The following BMAL1 variants were observed in gnomAD, a reference collection of about 807,000 sequenced individuals.
The protein encoded by BMAL1 is basic helix-loop-helix ARNT-like protein 1.
the BMAL1 span, among the ~76,000 whole-genome samples, chr11:13,299,036 G>A: frequency 6.6e-6 from 1 of 152,200 alleles, no homozygotes; most frequent in Non-Finnish European, 1.5e-5. Flanking sequence ...GCTGCTGGTG[G>A]CTGTGGGAGG....
chr11:13,326,881 G>A, the BMAL1 span, among the ~76,000 whole-genome samples: 1 of 151,794 alleles, frequency 6.6e-6, no homozygotes, highest in African/African-American at 2.4e-5. Context: ...GTGCAGTGGT[G>A]CGATCTCGGC....
At chr11:13,279,153 G>A in the BMAL1 span, among the ~76,000 whole-genome samples, 1 of 152,206 alleles carries the variant, frequency 6.6e-6, no homozygotes, top group African/African-American at 2.4e-5. Flanking sequence ...TTTGGCGCTT[G>A]CGGTCTCTTC....
the BMAL1 span, among the ~76,000 whole-genome samples, chr11:13,377,121 G>T: frequency 5.9e-5 from 9 of 152,266 alleles, no homozygotes; most frequent in African/African-American, 2.2e-4. Flanking sequence ...TACCCACTGG[G>T]CTCCCTTCTC....
chr11:13,376,801 G>A, the BMAL1 span: 1 of 1,376,808 alleles, frequency 7.3e-7, no homozygotes, highest in South Asian at 1.3e-5. Flanking sequence ...CTCCCCTAAA[G>A]TATTCAGGGT....
chr11:13,295,809 G>A, the BMAL1 span, among the ~76,000 whole-genome samples: 1 of 152,160 alleles, frequency 6.6e-6, no homozygotes, highest in African/African-American at 2.4e-5. Context: ...CTTTTAATGA[G>A]TTACCAGCAT....
chr11:13,374,288 C>T, the BMAL1 span: 1 of 1,259,834 alleles, frequency 7.9e-7, no homozygotes, highest in Non-Finnish European at 1.1e-6. Context: ...GAAATCTGTC[C>T]ACTGAGGATG....
the BMAL1 span, among the ~76,000 whole-genome samples, chr11:13,351,295 G>C: frequency 6.6e-6 from 1 of 152,208 alleles, no homozygotes; most frequent in Non-Finnish European, 1.5e-5. Context: ...AATGCGGGTT[G>C]TGAAAGAAAG....
the BMAL1 span, chr11:13,386,489 A>T: frequency 1.7e-6 from 2 of 1,200,006 alleles, no homozygotes; most frequent in Non-Finnish European, 2.3e-6. Flanking sequence ...ATCTCACCCT[A>T]CCATTAAATG....
the BMAL1 span, among the ~76,000 whole-genome samples, chr11:13,344,362 A>C: frequency 6.6e-6 from 1 of 152,200 alleles, no homozygotes; most frequent in African/African-American, 2.4e-5. Context: ...AATATCTGCC[A>C]CTTCTAAACC....
the BMAL1 span, chr11:13,277,965 C>A: frequency 1.3e-5 from 2 of 151,288 alleles, no homozygotes; most frequent in African/African-American, 4.8e-5. Context: ...CGATCCCGCG[C>A]ACCCCGTCGG....
the BMAL1 span, chr11:13,380,862 A>G: frequency 0.53 from 140,472 of 265,338 alleles, 38,713 homozygotes; most frequent in South Asian, 0.68. Flanking sequence ...TAGGGACTGC[A>G]TTCTAGATCA....
the BMAL1 span, among the ~76,000 whole-genome samples, chr11:13,351,064 G>T: frequency 1.3e-5 from 2 of 152,132 alleles, no homozygotes; most frequent in Non-Finnish European, 2.9e-5. Context: ...CAGTGACTAT[G>T]GTAGATTATT....
chr11:13,307,238 T>G, the BMAL1 span, among the ~76,000 whole-genome samples: 1 of 152,214 alleles, frequency 6.6e-6, no homozygotes, highest in South Asian at 2.1e-4. Flanking sequence ...GAACTCTTCA[T>G]GGAGATTAAA....
At chr11:13,318,158 G>A in the BMAL1 span, among the ~76,000 whole-genome samples, 1 of 152,186 alleles carries the variant, frequency 6.6e-6, no homozygotes, top group African/African-American at 2.4e-5. Context: ...GGCCCCTGTA[G>A]GAATAGAGTT....
chr11:13,363,333 T>G, the BMAL1 span, among the ~76,000 whole-genome samples: 1 of 152,098 alleles, frequency 6.6e-6, no homozygotes, highest in African/African-American at 2.4e-5. Flanking sequence ...AGGATTATCA[T>G]GCTATCTCAG....
chr11:13,297,221 C>T, the BMAL1 span, among the ~76,000 whole-genome samples: 11 of 152,336 alleles, frequency 7.2e-5, no homozygotes, highest in South Asian at 2.1e-4. Flanking sequence ...CTCCCCTCAG[C>T]ATGGAGTCAC....
chr11:13,282,318 G>A, the BMAL1 span, among the ~76,000 whole-genome samples: 3 of 152,240 alleles, frequency 2.0e-5, no homozygotes, highest in South Asian at 6.2e-4. Flanking sequence ...ACATCAGAGA[G>A]TTGAGGTGTG....
the BMAL1 span, among the ~76,000 whole-genome samples, chr11:13,315,889 C>T: frequency 6.6e-6 from 1 of 152,140 alleles, no homozygotes; most frequent in Admixed American, 6.6e-5. Flanking sequence ...AAGAGCCAGC[C>T]CAGGCCTCCC....
At chr11:13,309,756 A>G in the BMAL1 span, among the ~76,000 whole-genome samples, 1 of 152,126 alleles carries the variant, frequency 6.6e-6, no homozygotes, top group Admixed American at 6.5e-5. Context: ...ACAACGTGCC[A>G]TGTGTTACCA....
Sources: gnomAD v4.1 joint callset for allele counts (sites outside exome capture counted in the v4.1 genomes callset) on GRCh38, gnomAD v4.1.1 for gene constraint, MANE v1.5 for transcripts, NCBI Gene and HGNC (gene_info 2026-07-23, HGNC 2026-07-21) for gene names.